Variants in ZFAND6 observed in about 807,000 individuals in gnomAD.
The protein encoded by ZFAND6 is zinc finger AN1-type containing 6.
ZFAND6 carries 12 observed loss-of-function variants against 24.5 expected under a neutral mutation model. The ratio of observed to expected loss-of-function variants is 0.49; its 90% confidence interval spans 0.31 to 0.79. The LOEUF (loss-of-function observed/expected upper bound fraction) is 0.79. ZFAND6 is among the 30% of genes least tolerant of loss of function. ZFAND6 has a pLI of 0.04. For missense variants in ZFAND6, 207 were observed against 245.9 expected, an observed-to-expected ratio of 0.84 and a Z score of 1.06; for synonymous variants, 92 against 81.5, an observed-to-expected ratio of 1.13 and a Z score of -0.69.
intron 2 of ZFAND6, among the ~76,000 whole-genome samples, chr15:80,098,945 A>T (rs1406831069): frequency 6.6e-6 from 1 of 152,036 alleles, no homozygotes; most frequent in Admixed American, 6.6e-5. Flanking sequence ...CCAAACAACC[A>T]TAAAAAAATT....
chr15:80,113,574 CTG>C (rs1330048584), intron 2 of ZFAND6, among the ~76,000 whole-genome samples: 3 of 152,146 alleles, frequency 2.0e-5, no homozygotes, highest in Non-Finnish European at 4.4e-5. Context: ...TGCTGAATAA[CTG>C]TTTCATTTTA....
chr15:80,094,346 T>C (rs887454104), intron 1 of ZFAND6, among the ~76,000 whole-genome samples: 1 of 152,168 alleles, frequency 6.6e-6, no homozygotes, highest in Non-Finnish European at 1.5e-5. Flanking sequence ...TGGATTCTCA[T>C]AGGAGTGCGA....
intron 2 of ZFAND6, among the ~76,000 whole-genome samples, chr15:80,114,639 C>G (rs974107196): frequency 6.6e-6 from 1 of 152,030 alleles, no homozygotes; most frequent in Non-Finnish European, 1.5e-5. Context: ...GGGAAGGAAG[C>G]ACAGGAAAGT....
intron 1 of ZFAND6, among the ~76,000 whole-genome samples, chr15:80,090,965 C>CA (rs1189886757): frequency 3.3e-5 from 5 of 152,216 alleles, no homozygotes; most frequent in Non-Finnish European, 7.3e-5. Context: ...CTCTTTGCCG[C>CA]AACCCACTAG....
intron 1 of ZFAND6, among the ~76,000 whole-genome samples, chr15:80,077,638 T>C (rs1484028715): frequency 3.3e-5 from 5 of 151,950 alleles, no homozygotes; most frequent in Non-Finnish European, 7.4e-5. Context: ...TAAAGGTAAT[T>C]ATAAGCATAG....
chr15:80,122,587 C>G, intron 4 of ZFAND6, 113 bp from the exon 5 acceptor site: 1 of 658,632 alleles, frequency 1.5e-6, no homozygotes. Flanking sequence ...AAAAGTATGT[C>G]TGTGTTCTCA....
intron 1 of ZFAND6, among the ~76,000 whole-genome samples, chr15:80,069,714 T>C (rs2036865857): frequency 1.3e-5 from 2 of 152,076 alleles, no homozygotes; most frequent in African/African-American, 4.8e-5. Flanking sequence ...GTTCAAGCAA[T>C]CCTCCTGCCT....
At chr15:80,107,161 G>A (rs2039373609) in intron 2 of ZFAND6, among the ~76,000 whole-genome samples, 2 of 152,184 alleles carry the variant, frequency 1.3e-5, no homozygotes, top group East Asian at 3.9e-4. Flanking sequence ...GTTGCAGGGA[G>A]CCAAGATTGC....
chr15:80,116,602 G>T (rs934839908), intron 2 of ZFAND6, among the ~76,000 whole-genome samples: 1 of 152,094 alleles, frequency 6.6e-6, no homozygotes, highest in Non-Finnish European at 1.5e-5. Context: ...TATTTGGAAA[G>T]AATATTTTAA....
intron 1 of ZFAND6, among the ~76,000 whole-genome samples, chr15:80,063,691 C>T (rs1405805050): frequency 6.6e-6 from 1 of 151,944 alleles, no homozygotes; most frequent in Admixed American, 6.6e-5. Context: ...GCTGGGACTA[C>T]AGGTGCATGC....
chr15:80,086,663 A>G (rs549063221), intron 1 of ZFAND6, among the ~76,000 whole-genome samples: 1 of 152,350 alleles, frequency 6.6e-6, no homozygotes, highest in African/African-American at 2.4e-5. Flanking sequence ...TTATTGTGAT[A>G]AAATATACAT....
chr15:80,074,068 A>G (rs2037129564), intron 1 of ZFAND6, among the ~76,000 whole-genome samples: 1 of 151,960 alleles, frequency 6.6e-6, no homozygotes, highest in Non-Finnish European at 1.5e-5. Flanking sequence ...CCAGCAGAAT[A>G]TGCTTCAAAG....
intron 1 of ZFAND6, among the ~76,000 whole-genome samples, chr15:80,090,706 T>C (rs2038305049): frequency 6.6e-6 from 1 of 152,138 alleles, no homozygotes; most frequent in African/African-American, 2.4e-5. Context: ...AAGAGTCATA[T>C]TTGGGGGAGA....
At chr15:80,084,567 A>C (rs1401338370) in intron 1 of ZFAND6, among the ~76,000 whole-genome samples, 1 of 152,226 alleles carries the variant, frequency 6.6e-6, no homozygotes, top group African/African-American at 2.4e-5. Context: ...TTACTAATTT[A>C]CGTGGGGGCA....
At chr15:80,072,973 TGAG>T (rs1354992163) in intron 1 of ZFAND6, among the ~76,000 whole-genome samples, 1 of 151,982 alleles carries the variant, frequency 6.6e-6, no homozygotes, top group Non-Finnish European at 1.5e-5. Flanking sequence ...AATGACATCT[TGAG>T]GAGGTTCATT....
At position 80,137,516 on chromosome 15, in the gene ZFAND6, T is replaced by A; in HGVS notation, c.515T>A (p.Val172Glu). The A allele has an allele frequency of 6.2e-7, 1 of 1,606,958 alleles. No homozygotes were observed. Among genetic ancestry groups the A allele is most frequent in the Non-Finnish European group, 8.5e-7 (1 of 1,178,096 alleles). The part of the protein sequence containing the change: ...ECRCGNVYCG[V>E]HRYSDVHNCS... ...CGGTGTGGAAATGTTTACTGTGGTG[T>A]ACACCGTTACTCAGATGTACACAAT... Residue 172 changes from valine (V) to glutamate (E), a missense_variant, in exon 7 of 7, where the codon GTA (valine) becomes GAA (glutamate). Transcript: ENST00000261749.
chr15:80,061,300 A>T (rs576312825), intron 1 of ZFAND6, among the ~76,000 whole-genome samples: 4 of 152,354 alleles, frequency 2.6e-5, no homozygotes, highest in African/African-American at 9.6e-5. Context: ...GTCAGAACTT[A>T]CACGTTTTAC....
intron 5 of ZFAND6, chr15:80,129,516 T>C (rs1187270427): frequency 1.3e-5 from 2 of 152,220 alleles, no homozygotes; most frequent in African/African-American, 4.8e-5. Context: ...AAGGTAACCA[T>C]CCTTCTCAAT....
rs964317360 is a variant in ZFAND6, at chr15:80,112,340, A to G, written c.-17-7988A>G. 5.3e-5 allele frequency among the ~76,000 whole-genome samples: 8 copies of G among 152,232 alleles called. No homozygotes were observed. In the East Asian group the frequency reaches 1.3e-3, roughly 26 times the overall value. ...TCCCTATACTTTTATCAGAGTGACT[A>G]GCATTCATCCCAAGTGTTTTGTATC... On this transcript the variant is annotated intron_variant, in intron 2 of 6. Coordinates refer to ENST00000261749, the MANE Select transcript of ZFAND6 (RefSeq NM_019006.4).
Sources: gnomAD v4.1 joint callset for allele counts (sites outside exome capture counted in the v4.1 genomes callset) on GRCh38, gnomAD v4.1.1 for gene constraint, MANE v1.5 for transcripts, NCBI Gene and HGNC (gene_info 2026-07-23, HGNC 2026-07-21) for gene names.